The following CNR1 variants were observed in gnomAD, a reference collection of about 807,000 sequenced individuals.
CNR1 encodes the protein cannabinoid receptor 1 (brain).
A neutral mutation model predicts 23.0 loss-of-function variants in CNR1; 10 were observed. The observed-to-expected ratio is 0.43, with a 90% CI of 0.27 to 0.74. The LOEUF (loss-of-function observed/expected upper bound fraction) is 0.74, where lower values mean the gene tolerates loss of function less well. CNR1 is among the 30% of genes least tolerant of loss of function. The probability of loss-of-function intolerance (pLI) is 0.19; values close to 1 mark genes in which losing one functional copy is unlikely to be tolerated. For missense variants in CNR1, 422 were observed against 618.8 expected (o/e 0.68, Z 3.37); for synonymous variants, 271 against 255.2 (o/e 1.06, Z -0.59).
chr6:88,165,829 A>G lies in CNR1; in HGVS notation c.-90T>C, dbSNP rs972604635. ...CTTCGCATCCCCTGGTCCTCGGGAC[A>G]GAAGCTCCCTTGGCACCTCTCGCCC... On this transcript the variant is annotated 5_prime_UTR_variant, in exon 1 of 2. Transcript: ENST00000369501. 6 of 152,498 alleles carry G rather than the reference A, an allele frequency of 3.9e-5. No individual in the cohort carries two copies. Among genetic ancestry groups the G allele is most frequent in the Non-Finnish European group, 8.8e-5 (6 of 68,176 alleles). The allele number at this position is 152,498 out of a possible 1,614,324, so 9.4% of individuals were successfully genotyped here.
rs1189069255 is a variant in CNR1, at chr6:88,166,072, G to A, written c.-333C>T. 1 of 152,344 alleles carries A rather than the reference G, an allele frequency of 6.6e-6. No individual in the cohort carries two copies. The highest frequency in any genetic ancestry group is 2.4e-5 in the African/African-American group (1 of 41,446). The allele number at this position is 152,344 out of a possible 1,614,324, so 9.4% of individuals were successfully genotyped here. Reference sequence around the variant, plus strand: ...GCCGGGCTGCTGGCGAGGCGGGGTGGGGTGGAGTGGGGTGTGCCTCCGGCG... The same window carrying A: ...GCCGGGCTGCTGGCGAGGCGGGGTGAGGTGGAGTGGGGTGTGCCTCCGGCG... On this transcript the variant is annotated 5_prime_UTR_variant, in exon 1 of 2. Coordinates refer to ENST00000369501, the MANE Select transcript of CNR1 (RefSeq NM_016083.6).
chr6:88,149,959 T>G (rs1049884125), intron 1 of CNR1, among the ~76,000 whole-genome samples: 5 of 152,358 alleles, frequency 3.3e-5, no homozygotes, highest in East Asian at 1.9e-4. Context: ...ACAGCTGAGT[T>G]CCCACAGAAA....
Position 88,143,641 on chromosome 6 carries a change from C to A in CNR1, c.*215G>T, listed in dbSNP as rs1776954952. On this transcript the variant is annotated 3_prime_UTR_variant, in exon 2 of 2. Coordinates refer to ENST00000369501, the MANE Select transcript of CNR1 (RefSeq NM_016083.6). ...TTGAAGGATCGTTCAGTCACTTAAA[C>A]AACAGGCTTTCTTCACTGTAAACCC... 5.8e-6 allele frequency: 3 copies of A among 515,900 alleles called. No individual in the cohort carries two copies. The Admixed American group carries it at 1.1e-4, about 19-fold the overall frequency. The allele number at this position is 515,900 out of a possible 1,614,324, so 32.0% of individuals were successfully genotyped here. A position where few individuals can be genotyped will look rare whatever the true frequency, so the allele number is the denominator to read the frequency against.
intron 1 of CNR1, among the ~76,000 whole-genome samples, chr6:88,164,811 C>T (rs956305128): frequency 6.6e-6 from 1 of 152,280 alleles, no homozygotes; most frequent in African/African-American, 2.4e-5. Flanking sequence ...AATTGCATTT[C>T]CCCCATTGTT....
Position 88,141,804 on chromosome 6 carries a change from G to C in CNR1, c.*2052C>G, listed in dbSNP as rs543855334. On this transcript the variant is annotated 3_prime_UTR_variant, in exon 2 of 2. Transcript: ENST00000369501. The stretch of plus-strand genomic sequence containing the variant: ...CACATCCTGCCTTAGAGCGTGAACC[G>C]TAAGAAGGGGAACTGCCCCATCAGG... 6.6e-6 allele frequency: 1 copy of C among 152,336 alleles called. No homozygotes were observed. The highest frequency in any genetic ancestry group is 6.5e-5 in the Admixed American group (1 of 15,268). The allele number at this position is 152,336 out of a possible 1,614,324, so 9.4% of individuals were successfully genotyped here. A position where few individuals can be genotyped will look rare whatever the true frequency, so the allele number is the denominator to read the frequency against.
chr6:88,145,810 A>C (rs1323434307), intron 1 of CNR1, among the ~76,000 whole-genome samples: 1 of 152,200 alleles, frequency 6.6e-6, no homozygotes, highest in Non-Finnish European at 1.5e-5. Context: ...TTGTCAGACA[A>C]ATGAGACTAA....
Position 88,143,940 on chromosome 6 carries a change from G to A in CNR1, c.1335C>T (p.Ala445=), listed in dbSNP as rs376916854. The A allele has an allele frequency of 1.2e-5, 20 of 1,613,922 alleles. No homozygotes were observed. The highest frequency in any genetic ancestry group is 2.7e-5 in the African/African-American group (2 of 74,872). ...HANNAASVHR[A]AESCIKSTVK... ...CCGTGCTCTTGATGCAGCTTTCTGC[G>A]GCCCTGTGAACACTGGCTGCATTGT... Residue 445 remains alanine (A), a synonymous_variant, in exon 2 of 2, where the codon GCC becomes GCT. Transcript: ENST00000369501.
At chr6:88,160,477 C>T (rs1455281121) in intron 1 of CNR1, among the ~76,000 whole-genome samples, 1 of 149,340 alleles carries the variant, frequency 6.7e-6, no homozygotes, top group Non-Finnish European at 1.5e-5. Context: ...CTCTGTCACC[C>T]AGGCTGGAGT....
chr6:88,158,453 T>A (rs1777917887), intron 1 of CNR1, among the ~76,000 whole-genome samples: 1 of 152,094 alleles, frequency 6.6e-6, no homozygotes, highest in Admixed American at 6.5e-5. Context: ...AGTTACACAA[T>A]GGTTTGTAAG....
rs1776960481 is a variant in CNR1, at chr6:88,143,714, T to G, written c.*142A>C. ...CTAAACTATGGAAACATTAGCAAAC[T>G]GATAAGTGATCATGGTGACAATCAC... On this transcript the variant is annotated 3_prime_UTR_variant, in exon 2 of 2. Coordinates refer to ENST00000369501, the MANE Select transcript of CNR1 (RefSeq NM_016083.6). The G allele has an allele frequency of 5.9e-6, 4 of 679,530 alleles. No homozygotes were observed. In the East Asian group the frequency reaches 1.0e-4, roughly 17 times the overall value. The allele number at this position is 679,530 out of a possible 1,614,324, so 42.1% of individuals were successfully genotyped here.
intron 1 of CNR1, among the ~76,000 whole-genome samples, chr6:88,160,206 G>A (rs1032230220): frequency 5.3e-5 from 8 of 151,818 alleles, no homozygotes; most frequent in Non-Finnish European, 8.8e-5. Flanking sequence ...CATGAGAATC[G>A]CTTGAACCCA....
intron 1 of CNR1, among the ~76,000 whole-genome samples, chr6:88,159,832 C>T (rs1006964223): frequency 2.0e-5 from 3 of 152,144 alleles, no homozygotes; most frequent in African/African-American, 2.4e-5. Context: ...AAATTGGATC[C>T]ATTTAGCCAA....
At chr6:88,148,462 T>A (rs1777328852) in intron 1 of CNR1, among the ~76,000 whole-genome samples, 1 of 152,094 alleles carries the variant, frequency 6.6e-6, no homozygotes, top group Non-Finnish European at 1.5e-5. Flanking sequence ...CCAAATAAGC[T>A]GGTTGATTGG....
Position 88,143,967 on chromosome 6 carries a change from T to C in CNR1, c.1308A>G (p.Ala436=). The C allele has an allele frequency of 1.9e-6, 3 of 1,614,104 alleles. No individual in the cohort carries two copies. The highest frequency in any genetic ancestry group is 1.6e-4 in the Middle Eastern group (1 of 6,062). The change falls in exon 2 of 2, where the codon GCA becomes GCG. Residue 436 remains alanine (A), a synonymous_variant. Coordinates refer to ENST00000369501, the MANE Select transcript of CNR1 (RefSeq NM_016083.6). ...CCCTGTGAACACTGGCTGCATTGTT[T>C]GCGTGTTTGTGCAGGCAGTCCGAGT... The part of the protein sequence containing the change: ...MGDSDCLHKH[A]NNAASVHRAA...
At chr6:88,147,226 C>T (rs944924114) in intron 1 of CNR1, among the ~76,000 whole-genome samples, 19 of 152,200 alleles carry the variant, frequency 1.2e-4, no homozygotes, top group South Asian at 6.2e-4. Flanking sequence ...GCAGGAGAAT[C>T]GCTTGAACCC....
At chr6:88,159,491 T>C (rs565267401) in intron 1 of CNR1, among the ~76,000 whole-genome samples, 103 of 152,350 alleles carry the variant, frequency 6.8e-4, no homozygotes, top group Admixed American at 7.8e-4. Flanking sequence ...GGGCAAACTG[T>C]TCTCTCTCTT....
chr6:88,148,313 T>C (rs1302551761), intron 1 of CNR1, among the ~76,000 whole-genome samples: 1 of 152,180 alleles, frequency 6.6e-6, no homozygotes, highest in Non-Finnish European at 1.5e-5. Context: ...CCAGATTTTC[T>C]AATACTTCTT....
At chr6:88,153,627 G>A (rs904914038) in intron 1 of CNR1, among the ~76,000 whole-genome samples, 2 of 152,182 alleles carry the variant, frequency 1.3e-5, no homozygotes, top group African/African-American at 4.8e-5. Flanking sequence ...CTTGTGAAGA[G>A]TTCAAGAGAA....
chr6:88,154,765 G>A (rs1291123239), intron 1 of CNR1, among the ~76,000 whole-genome samples: 1 of 152,070 alleles, frequency 6.6e-6, no homozygotes, highest in Admixed American at 6.6e-5. Flanking sequence ...TTTTAGTAGA[G>A]ACAGTGTTTC....
Sources: allele counts gnomAD v4.1 joint callset (sites outside exome capture counted in the v4.1 genomes callset), GRCh38; gene constraint gnomAD v4.1.1; transcripts MANE v1.5; gene names NCBI Gene and HGNC (gene_info 2026-07-23, HGNC 2026-07-21).